Variants in ABLIM2 observed in about 807,000 individuals in gnomAD.
ABLIM2 encodes the protein actin-binding LIM protein 2.
In ABLIM2, 53 loss-of-function variants were observed where a neutral mutation model predicts 97.7. That is an observed-to-expected ratio of 0.54 (90% CI 0.44 to 0.68). ABLIM2 has a LOEUF of 0.68. Ranked by LOEUF, ABLIM2 falls within the 30% of genes least tolerant of loss-of-function variation. The pLI is 0.00. For missense variants in ABLIM2, 835 were observed against 867.2 expected, an observed-to-expected ratio of 0.96 and a Z score of 0.47; for synonymous variants, 361 against 345.8, an observed-to-expected ratio of 1.04 and a Z score of -0.49.
chr4:8,108,506 G>A (rs931696830), intron 1 of ABLIM2, among the ~76,000 whole-genome samples: 1 of 152,210 alleles, frequency 6.6e-6, no homozygotes, highest in Non-Finnish European at 1.5e-5. Context: ...GCGGGGAGGC[G>A]ACTACTCTCC....
At chr4:7,977,756 C>T (rs2149526872) in intron 20 of ABLIM2, among the ~76,000 whole-genome samples, 1 of 143,508 alleles carries the variant, frequency 7.0e-6, no homozygotes, top group East Asian at 2.3e-4. Context: ...GCGCCACTGC[C>T]CTCCAGCCTG....
intron 12 of ABLIM2, among the ~76,000 whole-genome samples, chr4:8,025,410 G>A (rs574948299): frequency 6.6e-6 from 1 of 152,242 alleles, no homozygotes; most frequent in African/African-American, 2.4e-5. Flanking sequence ...GAGCCACATT[G>A]TGGTGGGGGG....
intron 1 of ABLIM2, among the ~76,000 whole-genome samples, chr4:8,134,976 G>A (rs532765511): frequency 6.3e-4 from 96 of 152,334 alleles, no homozygotes; most frequent in Non-Finnish European, 8.7e-4. Context: ...CGTCCCATGC[G>A]CTTCTGATGG....
In ABLIM2 at chr4:8,107,813, C is replaced by T. The variant is rs193149086; in HGVS notation, c.11-1176G>A. Among the ~76,000 whole-genome samples the T allele has an allele frequency of 6.6e-5, 10 of 152,280 alleles. No individual in the cohort carries two copies. The East Asian group carries it at 1.7e-3, about 26-fold the overall frequency. ...CTTCGATGGGATATGATGTGATCGT[C>T]TAGCTGAGCCCAACATCATCACGGG... On this transcript the variant is annotated intron_variant, in intron 1 of 20. Transcript: ENST00000447017.
chr4:8,061,167 G>T lies in ABLIM2; in HGVS notation c.676-113C>A. 1 of 880,550 alleles carries T rather than the reference G, an allele frequency of 1.1e-6. No homozygotes were observed. Among genetic ancestry groups the T allele is most frequent in the Non-Finnish European group, 1.8e-6 (1 of 565,364 alleles). 54.5% of individuals were successfully genotyped at this position (880,550 alleles called of 1,614,324 possible). On this transcript the variant is annotated intron_variant, in intron 6 of 20. Coordinates refer to ENST00000447017, the MANE Select transcript of ABLIM2 (RefSeq NM_001130083.2). This position sits in a 1 kb window ranked among gnomAD's most constrained non-coding sequence, Gnocchi z 4.5. Reference sequence around the variant, plus strand: ...TGAGCACAGGTACTCAGGGGATACTGGAAGGGCCAGCCCCCACCATCGGGA... The same window carrying T: ...TGAGCACAGGTACTCAGGGGATACTTGAAGGGCCAGCCCCCACCATCGGGA...
chr4:8,008,085 C>A lies in ABLIM2; in HGVS notation c.1592G>T (p.Arg531Met), dbSNP rs538014651. The change falls in exon 16 of 21, where the codon AGG (arginine) becomes ATG (methionine). Residue 531 changes from arginine to methionine, a missense_variant. Transcript: ENST00000447017. ...SSGTDRDPLQ[R>M]MAGDSFHSRF... Reference sequence around the variant, plus strand: ...TGAGTGAAAGCTGTCCCCTGCCATCCTTTGGAGAGGGTCTCTGTCGGTCCC... The same window carrying A: ...TGAGTGAAAGCTGTCCCCTGCCATCATTTGGAGAGGGTCTCTGTCGGTCCC... 1 of 1,614,034 alleles carries A rather than the reference C, an allele frequency of 6.2e-7. No homozygotes were observed. Among genetic ancestry groups the A allele is most frequent in the African/African-American group, 1.3e-5 (1 of 75,058 alleles).
At chr4:8,013,406 T>A (rs890414915) in intron 14 of ABLIM2, among the ~76,000 whole-genome samples, 2 of 152,036 alleles carry the variant, frequency 1.3e-5, no homozygotes, top group Non-Finnish European at 2.9e-5. Context: ...GCATTTTTAG[T>A]TGAGACAGGG....
Position 8,032,023 on chromosome 4 carries a change from A to G in ABLIM2, c.1048-2247T>C, listed in dbSNP as rs2385905. Among the ~76,000 whole-genome samples the G allele has an allele frequency of 0.75, 114,117 of 151,822 alleles. 43,135 individuals are homozygous for G. Among genetic ancestry groups the G allele is most frequent in the African/African-American group, 0.82 (33,772 of 41,418 alleles). Reference sequence around the variant, plus strand: ...ATTACAGGTGTGAGCCACCACGCCCAGCCTATGAAATGTTTACAATGGCAT... The same window carrying G: ...ATTACAGGTGTGAGCCACCACGCCCGGCCTATGAAATGTTTACAATGGCAT... On this transcript the variant is annotated intron_variant, in intron 10 of 20. Transcript: ENST00000447017. The surrounding 1 kb of genome is among the most constrained non-coding windows in gnomAD (Gnocchi z 4.3).
chr4:8,025,539 T>C (rs1560718497), intron 12 of ABLIM2, among the ~76,000 whole-genome samples: 1 of 152,144 alleles, frequency 6.6e-6, no homozygotes, highest in Non-Finnish European at 1.5e-5. Context: ...CTTGGCTGTC[T>C]CGGGAGCTGA....
chr4:8,027,487 G>C (rs747466334), intron 12 of ABLIM2, among the ~76,000 whole-genome samples: 9 of 152,206 alleles, frequency 5.9e-5, no homozygotes, highest in Non-Finnish European at 1.2e-4. Flanking sequence ...GCCTGTGGGC[G>C]GGTGTGCAGG....
intron 20 of ABLIM2, among the ~76,000 whole-genome samples, chr4:7,969,452 C>A (rs1725761001): frequency 6.6e-6 from 1 of 152,030 alleles, no homozygotes; most frequent in South Asian, 2.1e-4. Context: ...GAGACCCTGT[C>A]TCAAACAAAC....
In ABLIM2 at chr4:8,046,248, C is replaced by T. The variant is rs1792333734; in HGVS notation, c.823-1007G>A. Among the ~76,000 whole-genome samples, 2 of 152,126 alleles carry T rather than the reference C, an allele frequency of 1.3e-5. No homozygotes were observed. Among genetic ancestry groups the T allele is most frequent in the Non-Finnish European group, 1.5e-5 (1 of 68,018 alleles). On this transcript the variant is annotated intron_variant, in intron 8 of 20. Transcript: ENST00000447017. This position sits in a 1 kb window ranked among gnomAD's most constrained non-coding sequence, Gnocchi z 4.4. Reference sequence around the variant, plus strand: ...GCCTCTCCCCCCACCTCAGCCCCCTCCAGCCCTGCGGACACACTCCTTCTG... The same window carrying T: ...GCCTCTCCCCCCACCTCAGCCCCCTTCAGCCCTGCGGACACACTCCTTCTG...
intron 5 of ABLIM2, among the ~76,000 whole-genome samples, chr4:8,080,159 C>G (rs935820921): frequency 6.6e-6 from 1 of 152,328 alleles, no homozygotes; most frequent in South Asian, 2.1e-4. Context: ...TGTTTGGTGT[C>G]GATGGCAGCT....
chr4:8,065,090 A>G (rs1055375652), intron 6 of ABLIM2, among the ~76,000 whole-genome samples: 7 of 152,120 alleles, frequency 4.6e-5, no homozygotes, highest in African/African-American at 1.4e-4. Flanking sequence ...TCTCTACAAA[A>G]AAAATTGAAA....
In ABLIM2 at chr4:8,005,987, C is replaced by T. The variant is rs375510114; in HGVS notation, c.1618+2072G>A. Among the ~76,000 whole-genome samples the T allele has an allele frequency of 6.6e-6, 1 of 152,208 alleles. No individual in the cohort carries two copies. The highest frequency in any genetic ancestry group is 1.5e-5 in the Non-Finnish European group (1 of 68,032). ...CGCAGCCTGCGTGCATCTGCACAGGCAGCCTGGGAGAAGAATGTGACGACA... is the reference window on the plus strand; with the variant it reads ...CGCAGCCTGCGTGCATCTGCACAGGTAGCCTGGGAGAAGAATGTGACGACA... On this transcript the variant is annotated intron_variant, in intron 16 of 20. Transcript: ENST00000447017. This position sits in a 1 kb window ranked among gnomAD's most constrained non-coding sequence, Gnocchi z 4.9.
At position 8,068,204 on chromosome 4, in the gene ABLIM2, T is replaced by A. The variant is rs1340680425; in HGVS notation, c.676-7150A>T. Among the ~76,000 whole-genome samples, 3 of 152,164 alleles carry A rather than the reference T, an allele frequency of 2.0e-5. No homozygotes were observed. Among genetic ancestry groups the A allele is most frequent in the Non-Finnish European group, 2.9e-5 (2 of 68,020 alleles). Reference sequence around the variant, plus strand: ...CCCCAGGCAGGCGGAAGTCCCACCCTCGCCCGCGTGGGGCTCATGATGGCT... The same window carrying A: ...CCCCAGGCAGGCGGAAGTCCCACCCACGCCCGCGTGGGGCTCATGATGGCT... On this transcript the variant is annotated intron_variant, in intron 6 of 20. Coordinates refer to ENST00000447017, the MANE Select transcript of ABLIM2 (RefSeq NM_001130083.2). The surrounding 1 kb of genome is among the most constrained non-coding windows in gnomAD (Gnocchi z 4.5).
intron 9 of ABLIM2, among the ~76,000 whole-genome samples, chr4:8,037,156 ATTG>A (rs1352476255): frequency 2.6e-5 from 4 of 151,978 alleles, no homozygotes; most frequent in African/African-American, 7.3e-5. Context: ...ATTATTTTTT[ATTG>A]TTGTTTGCTA....
intron 10 of ABLIM2, among the ~76,000 whole-genome samples, chr4:8,030,678 G>A (rs1026450641): frequency 2.0e-5 from 3 of 152,208 alleles, no homozygotes; most frequent in Admixed American, 6.5e-5. Flanking sequence ...ACCCCAGCCC[G>A]GGGCGCACTC....
Position 8,020,400 on chromosome 4 carries a change from T to C in ABLIM2, c.1268-97A>G, listed in dbSNP as rs745639018. 4 of 1,093,904 alleles carry C rather than the reference T, an allele frequency of 3.7e-6. No individual in the cohort carries two copies. The Admixed American group carries it at 7.9e-5, about 22-fold the overall frequency. The allele number at this position is 1,093,904 out of a possible 1,614,324, so 67.8% of individuals were successfully genotyped here. A position where few individuals can be genotyped will look rare whatever the true frequency, so the allele number is the denominator to read the frequency against. On this transcript the variant is annotated intron_variant, in intron 12 of 20. Coordinates refer to ENST00000447017, the MANE Select transcript of ABLIM2 (RefSeq NM_001130083.2). Reference sequence around the variant, plus strand: ...AAAAGCTTATTTGCAGCGAGCCCCATCTCTCCTGTCTGGTGGAGCAGCCCA... The same window carrying C: ...AAAAGCTTATTTGCAGCGAGCCCCACCTCTCCTGTCTGGTGGAGCAGCCCA...
Sources: gnomAD v4.1 joint callset for allele counts (sites outside exome capture counted in the v4.1 genomes callset) on GRCh38, gnomAD v4.1.1 for gene constraint, Gnocchi (gnomAD v3.1) non-coding constraint, MANE v1.5 for transcripts, NCBI Gene and HGNC (gene_info 2026-07-23, HGNC 2026-07-21) for gene names.